Variants in COL24A1 observed in about 807,000 individuals in gnomAD.
The protein encoded by COL24A1 is collagen type XXIV alpha 1 chain.
In COL24A1, 224 loss-of-function variants were observed where a neutral mutation model predicts 253.9. The observed-to-expected ratio is 0.88, with a 90% CI of 0.79 to 0.99. The LOEUF is 0.99. Among genes scored for constraint, COL24A1 ranks in the 50% least tolerant of loss-of-function variants. COL24A1 has a pLI of 0.00. For missense variants in COL24A1, 2,131 were observed against 2,068.5 expected (o/e 1.03, Z -0.59); for synonymous variants, 685 against 673.7 (o/e 1.02, Z -0.26).
intron 45 of COL24A1, among the ~76,000 whole-genome samples, chr1:85,821,574 G>T (rs1009483977): frequency 1.3e-5 from 2 of 152,180 alleles, no homozygotes; most frequent in Admixed American, 1.3e-4. Context: ...GGTGTCCCTA[G>T]TGAATAATAC....
intron 3 of COL24A1, among the ~76,000 whole-genome samples, chr1:86,119,872 C>T (rs145457003): frequency 3.9e-5 from 6 of 152,210 alleles, no homozygotes; most frequent in Middle Eastern, 3.4e-3. Context: ...GGAGGCATCA[C>T]GCTACCTGAC....
At chr1:85,947,220 G>T (rs1689410399) in intron 24 of COL24A1, among the ~76,000 whole-genome samples, 1 of 152,162 alleles carries the variant, frequency 6.6e-6, no homozygotes, top group Non-Finnish European at 1.5e-5. Flanking sequence ...AATACATGTA[G>T]AACTCAACTG....
chr1:86,020,034 G>A (rs1305301489), intron 18 of COL24A1, among the ~76,000 whole-genome samples: 1 of 150,246 alleles, frequency 6.7e-6, no homozygotes, highest in Non-Finnish European at 1.5e-5. Context: ...CATATGATAT[G>A]GCCTAAACTT....
At chr1:85,977,437 AG>A (rs1377782926) in intron 20 of COL24A1, among the ~76,000 whole-genome samples, 3 of 152,234 alleles carry the variant, frequency 2.0e-5, no homozygotes, top group Non-Finnish European at 4.4e-5. Context: ...TACCAGTGAA[AG>A]GTGAAAACCA....
Position 86,125,227 on chromosome 1 carries a change from A to T in COL24A1, c.1109T>A (p.Leu370His), listed in dbSNP as rs1470080547. ...TGTGATATTGTCAGACATGTTTAGGAGAGAGCTAAATTTCTCTTTGGTATT... is the reference window on the plus strand; with the variant it reads ...TGTGATATTGTCAGACATGTTTAGGTGAGAGCTAAATTTCTCTTTGGTATT... ...KMNTKEKFSS[L>H]LNMSDNITQH... Residue 370 changes from leucine (L) to histidine (H), a missense_variant, in exon 3 of 60, where the codon CTC (leucine) becomes CAC (histidine). Leu to His is a moderately conservative substitution (Grantham distance 99). Transcript: ENST00000370571. The T allele has an allele frequency of 6.2e-7, 1 of 1,613,616 alleles. No individual in the cohort carries two copies. The highest frequency in any genetic ancestry group is 8.5e-7 in the Non-Finnish European group (1 of 1,179,780).
intron 2 of COL24A1, among the ~76,000 whole-genome samples, chr1:86,130,967 C>T (rs1056104837): frequency 5.9e-5 from 9 of 152,012 alleles, no homozygotes; most frequent in Non-Finnish European, 1.0e-4. Context: ...ACGGGAACAA[C>T]ATTTCCCGAG....
intron 12 of COL24A1, among the ~76,000 whole-genome samples, chr1:86,040,436 G>A (rs941242904): frequency 2.0e-5 from 3 of 150,060 alleles, no homozygotes; most frequent in South Asian, 4.3e-4. Context: ...TCTAGCATTA[G>A]GTATATCTCC....
At chr1:85,888,496 C>G (rs185659527) in intron 32 of COL24A1, among the ~76,000 whole-genome samples, 218 of 152,054 alleles carry the variant, frequency 1.4e-3, no homozygotes, top group African/African-American at 5.0e-3. Flanking sequence ...AAGAAATGGT[C>G]TCTGATTTCA....
intron 43 of COL24A1, among the ~76,000 whole-genome samples, chr1:85,831,740 A>G (rs183212955): frequency 5.9e-5 from 9 of 152,154 alleles, no homozygotes; most frequent in Non-Finnish European, 1.2e-4. Flanking sequence ...AAGTGAGGAC[A>G]TTCTGGCAGA....
chr1:85,857,424 T>C (rs1678557361), intron 37 of COL24A1, among the ~76,000 whole-genome samples: 1 of 133,814 alleles, frequency 7.5e-6, no homozygotes, highest in Non-Finnish European at 1.5e-5. Context: ...TGGGACCTGA[T>C]GTGAGACCAG....
rs1197038636 is a variant in COL24A1, at chr1:85,765,579, A to G, written c.4375-4013T>C. 2.0e-5 allele frequency among the ~76,000 whole-genome samples: 3 copies of G among 151,330 alleles called. No individual in the cohort carries two copies. The East Asian group carries it at 5.8e-4, about 29-fold the overall frequency. On this transcript the variant is annotated intron_variant, in intron 53 of 59. Coordinates refer to ENST00000370571, the MANE Select transcript of COL24A1 (RefSeq NM_152890.7). ...AATCATTAAATAAATAAATAAATAA[A>G]TAAATAAATAAATTAGCCAAGTGCA...
At position 86,079,812 on chromosome 1, in the gene COL24A1, C is replaced by T. The variant is rs538020545; in HGVS notation, c.1707+9362G>A. On this transcript the variant is annotated intron_variant, in intron 7 of 59. Coordinates refer to ENST00000370571, the MANE Select transcript of COL24A1 (RefSeq NM_152890.7). ...GTGGAAAAAGGAGAATCCTCATACA[C>T]TATTCATGGGAAGGTAAATTAGTAC... 2.0e-5 allele frequency among the ~76,000 whole-genome samples: 3 copies of T among 152,270 alleles called. No homozygotes were observed. The East Asian group carries it at 5.8e-4, about 29-fold the overall frequency.
intron 47 of COL24A1, among the ~76,000 whole-genome samples, chr1:85,815,712 T>A (rs892148291): frequency 6.6e-6 from 1 of 151,956 alleles, no homozygotes; most frequent in African/African-American, 2.4e-5. Context: ...AATTGACTTA[T>A]TACCTAAGAA....
rs1249772523 is a variant in COL24A1 at position 85,947,510 on chromosome 1, A to G, written c.2562+13739T>C. 3.3e-5 allele frequency among the ~76,000 whole-genome samples: 5 copies of G among 152,350 alleles called. No individual in the cohort carries two copies. The East Asian group carries it at 9.6e-4, about 29-fold the overall frequency. ...CTTAATGAAAATAAGTTACTATTGCACATATTTTCATGTTGGACTTCTCCT... is the reference window on the plus strand; with the variant it reads ...CTTAATGAAAATAAGTTACTATTGCGCATATTTTCATGTTGGACTTCTCCT... On this transcript the variant is annotated intron_variant, in intron 24 of 59. Transcript: ENST00000370571.
chr1:85,907,156 T>TG (rs576391147), intron 28 of COL24A1, 38 bp downstream of exon 28: 518,983 of 1,503,332 alleles, frequency 0.35, 92,844 homozygotes, highest in Admixed American at 0.51. Context: ...GAAGTAATTT[T>TG]GGGGGGGTTA....
intron 32 of COL24A1, among the ~76,000 whole-genome samples, chr1:85,877,451 C>T (rs528297080): frequency 1.2e-4 from 18 of 152,296 alleles, no homozygotes; most frequent in African/African-American, 4.3e-4. Context: ...CAACCTCCGC[C>T]TCCCAGGTTC....
At chr1:85,858,677 T>TTCCTTCCTTCCTTCCTTCCTTCCC (rs1553201597) in intron 37 of COL24A1, among the ~76,000 whole-genome samples, 1 of 146,082 alleles carries the variant, frequency 6.8e-6, no homozygotes, top group Non-Finnish European at 1.5e-5. Context: ...CCTTCCTTCC[T>TTCCTTCCTTCCTTCCTTCCTTCCC]TCCCTCCGTC....
chr1:85,828,427 T>A (rs1287521989), intron 43 of COL24A1, among the ~76,000 whole-genome samples: 3 of 151,320 alleles, frequency 2.0e-5, no homozygotes, highest in African/African-American at 7.3e-5. Context: ...GTTCTGTAGA[T>A]GTCTATTAGG....
intron 28 of COL24A1, 44 bp from the exon 29 acceptor site, chr1:85,896,453 T>C (rs1219831155): frequency 6.8e-7 from 1 of 1,471,334 alleles, no homozygotes. Context: ...GAAATGTTCC[T>C]TTTTTTTTCT....
Sources: allele counts gnomAD v4.1 joint callset (sites outside exome capture counted in the v4.1 genomes callset), GRCh38; gene constraint gnomAD v4.1.1; transcripts MANE v1.5; gene names NCBI Gene and HGNC (gene_info 2026-07-23, HGNC 2026-07-21).